The following FRYL variants were observed in gnomAD, a reference collection of about 807,000 sequenced individuals.
The protein encoded by FRYL is FRY like transcription coactivator, also known as protein furry homolog-like.
Under a neutral mutation model 351.2 loss-of-function variants are expected in FRYL, and 150 were observed. The ratio of observed to expected loss-of-function variants is 0.43; its 90% CI spans 0.37 to 0.49. FRYL has a LOEUF of 0.49. Among genes scored for constraint, FRYL ranks in the 20% least tolerant of loss-of-function variants. FRYL has a pLI of 0.00. For missense variants in FRYL, 3,036 were observed against 3,619.3 expected, an observed-to-expected ratio of 0.84 and a Z score of 4.13; for synonymous variants, 1,153 against 1,257.1, an observed-to-expected ratio of 0.92 and a Z score of 1.75.
At chr4:48,600,861 T>C (rs574805396) in intron 13 of FRYL, among the ~76,000 whole-genome samples, 5 of 152,284 alleles carry the variant, frequency 3.3e-5, no homozygotes, top group East Asian at 3.9e-4. Context: ...AAGAGTTCAA[T>C]CAGTTTGATT....
intron 3 of FRYL, among the ~76,000 whole-genome samples, chr4:48,657,383 G>A (rs1454046409): frequency 7.0e-6 from 1 of 142,542 alleles, no homozygotes; most frequent in Non-Finnish European, 1.5e-5. Context: ...GGAGAAGTAG[G>A]TTCTTGCCAT....
At chr4:48,586,013 G>C (rs1007015426) in intron 19 of FRYL, among the ~76,000 whole-genome samples, 4 of 152,142 alleles carry the variant, frequency 2.6e-5, no homozygotes, top group African/African-American at 9.7e-5. Flanking sequence ...CCAGAAAAAT[G>C]TGCTGATCCC....
intron 25 of FRYL, 105 bp from the exon 26 acceptor site, chr4:48,573,348 C>A (rs1175673028): frequency 2.8e-5 from 20 of 725,024 alleles, no homozygotes; most frequent in Non-Finnish European, 4.2e-5. Context: ...TAATTCCAAT[C>A]CTACTGTTTT....
chr4:48,580,550 G>A (rs1405978820), intron 22 of FRYL: 4 of 294,738 alleles, frequency 1.4e-5, no homozygotes, highest in South Asian at 1.5e-4. Context: ...TCTATCTCAC[G>A]AATATTATAT....
At chr4:48,690,665 T>C (rs1021508805) in intron 2 of FRYL, among the ~76,000 whole-genome samples, 2 of 152,188 alleles carry the variant, frequency 1.3e-5, no homozygotes, top group African/African-American at 4.8e-5. Flanking sequence ...AAATTCTTTT[T>C]AATTTAAAGA....
intron 2 of FRYL, among the ~76,000 whole-genome samples, chr4:48,688,894 C>T (rs1184032525): frequency 6.6e-6 from 1 of 151,964 alleles, no homozygotes; most frequent in African/African-American, 2.4e-5. Flanking sequence ...GAACTTTTGA[C>T]CTCAAGTGAT....
At chr4:48,673,812 T>C (rs1763107333) in intron 3 of FRYL, among the ~76,000 whole-genome samples, 1 of 152,230 alleles carries the variant, frequency 6.6e-6, no homozygotes, top group African/African-American at 2.4e-5. Flanking sequence ...GCAACTATTA[T>C]GTCCCAAGCC....
At chr4:48,543,541 C>T (rs1730687615) in intron 44 of FRYL, among the ~76,000 whole-genome samples, 1 of 152,052 alleles carries the variant, frequency 6.6e-6, no homozygotes, top group African/African-American at 2.4e-5. Flanking sequence ...GTGATCATCC[C>T]AGGTTAAGAT....
intron 2 of FRYL, among the ~76,000 whole-genome samples, chr4:48,688,096 G>C (rs1765338007): frequency 6.6e-6 from 1 of 152,120 alleles, no homozygotes; most frequent in African/African-American, 2.4e-5. Context: ...CATTATACTT[G>C]AATACTAGAG....
At chr4:48,504,131 G>A (rs902603020) in intron 60 of FRYL, among the ~76,000 whole-genome samples, 2 of 152,068 alleles carry the variant, frequency 1.3e-5, no homozygotes, top group Admixed American at 6.5e-5. Context: ...GTGTGTGTGT[G>A]TATATATATG....
At chr4:48,510,200 G>GAAATCATGAGACTCACA (rs1722178789) in intron 58 of FRYL, 43 bp from the exon 59 acceptor site, 2 of 1,376,286 alleles carry the variant, frequency 1.5e-6, no homozygotes, top group Non-Finnish European at 2.1e-6. Context: ...ATTTCTGATT[G>GAAATCATGAGACTCACA]AAATCATGAG....
At chr4:48,582,973 GAA>G (rs2149169023) in intron 19 of FRYL, among the ~76,000 whole-genome samples, 1 of 152,114 alleles carries the variant, frequency 6.6e-6, no homozygotes, top group Non-Finnish European at 1.5e-5. Context: ...ACTATAATCT[GAA>G]TAATAAGTTT....
At chr4:48,633,780 C>A (rs1753711726) in intron 4 of FRYL, among the ~76,000 whole-genome samples, 1 of 152,144 alleles carries the variant, frequency 6.6e-6, no homozygotes, top group Admixed American at 6.6e-5. Flanking sequence ...GAACTATGTA[C>A]AATAACTAAA....
At chr4:48,536,013 G>A (rs941580995) in intron 47 of FRYL, among the ~76,000 whole-genome samples, 186 bp from the exon 48 acceptor site, 4 of 152,190 alleles carry the variant, frequency 2.6e-5, no homozygotes, top group African/African-American at 9.7e-5. Context: ...AGAATAGTAA[G>A]AGCTAATACA....
chr4:48,620,856 T>A, intron 5 of FRYL, 78 bp from the exon 6 acceptor site: 1 of 1,273,848 alleles, frequency 7.9e-7, no homozygotes, highest in South Asian at 1.4e-5. Flanking sequence ...TAGCTATCAT[T>A]TAGAAATGAA....
intron 1 of FRYL, among the ~76,000 whole-genome samples, chr4:48,772,024 A>G (rs1299607178): frequency 6.6e-6 from 1 of 152,232 alleles, no homozygotes; most frequent in Non-Finnish European, 1.5e-5. Context: ...GAGGACACTA[A>G]TTGGCTAGAG....
Position 48,579,142 on chromosome 4 carries a change from G to C in FRYL, c.2359C>G (p.His787Asp), listed in dbSNP as rs1344345736. 11 of 1,613,592 alleles carry C rather than the reference G, an allele frequency of 6.8e-6. No homozygotes were observed. Among genetic ancestry groups the C allele is most frequent in the Non-Finnish European group, 9.3e-6 (11 of 1,179,670 alleles). The change falls in exon 23 of 64, where the codon CAT (histidine) becomes GAT (aspartate). Residue 787 changes from histidine to aspartate, a missense_variant. Transcript: ENST00000358350. ...SHQFDVISPS[H>D]IWIFAHVTQG... ...GTCACATGTGCAAATATCCATATAT[G>C]TGATGGACTAATCACATCAAACTGG...
chr4:48,737,619 C>G (rs1416891865), intron 1 of FRYL, among the ~76,000 whole-genome samples: 1 of 152,184 alleles, frequency 6.6e-6, no homozygotes, highest in Non-Finnish European at 1.5e-5. Context: ...CTCCCAAACT[C>G]ATTCTATGAC....
At chr4:48,697,714 G>A (rs1766331659) in intron 2 of FRYL, among the ~76,000 whole-genome samples, 1 of 152,080 alleles carries the variant, frequency 6.6e-6, no homozygotes, top group Admixed American at 6.6e-5. Context: ...CCTGACCTCA[G>A]GTGATCCACC....
Sources: gnomAD v4.1 joint callset for allele counts (sites outside exome capture counted in the v4.1 genomes callset) on GRCh38, gnomAD v4.1.1 for gene constraint, MANE v1.5 for transcripts, NCBI Gene and HGNC (gene_info 2026-07-23, HGNC 2026-07-21) for gene names.